The following ITPR3 variants were observed in gnomAD, a reference collection of about 807,000 sequenced individuals.
ITPR3 encodes the protein inositol 1,4,5-trisphosphate receptor type 3.
In ITPR3, 173 loss-of-function variants were observed where a neutral mutation model predicts 293.2. That is an observed-to-expected ratio of 0.59 (90% CI 0.52 to 0.67). The LOEUF (loss-of-function observed/expected upper bound fraction) is 0.67. ITPR3 is among the 30% of genes least tolerant of loss of function. The probability of loss-of-function intolerance (pLI) is 0.00; values close to 1 mark genes in which losing one functional copy is unlikely to be tolerated. For synonymous variants in ITPR3, 1,295 were observed against 1,444.4 expected, an observed-to-expected ratio of 0.90 and a Z score of 2.35; for missense variants, 2,796 against 3,592.1, an observed-to-expected ratio of 0.78 and a Z score of 5.66.
In ITPR3 at chr6:33,672,608, C is replaced by T. The variant is rs1171680584; in HGVS notation, c.2928+380C>T. On this transcript the variant is annotated intron_variant, in intron 22 of 57. Transcript: ENST00000605930. The surrounding 1 kb of genome is among the most constrained non-coding windows in gnomAD (Gnocchi z 5.0). ...AAAAACAGAAATGCACATTCTCCGG[C>T]CCCACCCTAGACCTACTGAGTCAGG... Among the ~76,000 whole-genome samples, 2 of 152,240 alleles carry T rather than the reference C, an allele frequency of 1.3e-5. No individual in the cohort carries two copies. Among genetic ancestry groups the T allele is most frequent in the Middle Eastern group, 3.4e-3 (1 of 294 alleles).
Position 33,655,966 on chromosome 6 carries a change from G to C in ITPR3, c.282+79G>C. 1 of 1,574,842 alleles carries C rather than the reference G, an allele frequency of 6.3e-7. No homozygotes were observed. The highest frequency in any genetic ancestry group is 8.7e-7 in the Non-Finnish European group (1 of 1,152,066). ...ACACAAGCAGCGGTGCTGCTTGTCG[G>C]AGCCAGTAGGGGCTCTGTGGCTGAG... On this transcript the variant is annotated intron_variant, in intron 3 of 57. Transcript: ENST00000605930. This position sits in a 1 kb window ranked among gnomAD's most constrained non-coding sequence, Gnocchi z 4.9.
chr6:33,642,252 G>A (rs1011654229), intron 2 of ITPR3, among the ~76,000 whole-genome samples: 2 of 152,118 alleles, frequency 1.3e-5, no homozygotes, highest in South Asian at 4.2e-4. Context: ...GTCTGACCTC[G>A]CCTGTCCCAG....
chr6:33,658,006 C>T lies in ITPR3; in HGVS notation c.357C>T (p.Gly119=), dbSNP rs1764356159. The part of the protein sequence containing the change: ...KKVHGDVVKY[G]SVIQLLHMKS... Reference sequence around the variant, plus strand: ...TGCATGGGGATGTCGTGAAGTATGGCAGTGTGATCCAGGTGAGGCTGGCCT... The same window carrying T: ...TGCATGGGGATGTCGTGAAGTATGGTAGTGTGATCCAGGTGAGGCTGGCCT... Residue 119 remains glycine, a synonymous_variant, in exon 4 of 58, where the codon GGC becomes GGT. Transcript: ENST00000605930. This position sits in a 1 kb window ranked among gnomAD's most constrained non-coding sequence, Gnocchi z 6.1. 1 of 1,613,078 alleles carries T rather than the reference C, an allele frequency of 6.2e-7. No homozygotes were observed.
chr6:33,647,970 G>A (rs1764105844), intron 2 of ITPR3, among the ~76,000 whole-genome samples: 2 of 152,046 alleles, frequency 1.3e-5, no homozygotes, highest in South Asian at 2.1e-4. Context: ...CACCAGCAAT[G>A]TAATAAGAGA....
At chr6:33,685,169 G>A (rs1286708790) in intron 39 of ITPR3, among the ~76,000 whole-genome samples, 190 bp from the exon 40 acceptor site, 3 of 152,186 alleles carry the variant, frequency 2.0e-5, no homozygotes, top group Admixed American at 6.5e-5. Flanking sequence ...AAAGGACCAC[G>A]TGACACAGGA....
chr6:33,622,768 G>A (rs1163936004), intron 1 of ITPR3, among the ~76,000 whole-genome samples: 1 of 152,168 alleles, frequency 6.6e-6, no homozygotes, highest in Non-Finnish European at 1.5e-5. Flanking sequence ...CTCACCCCAA[G>A]CCTGGGAGGT....
At chr6:33,659,685 A>G in intron 7 of ITPR3, 136 bp downstream of exon 7, 1 of 681,734 alleles carries the variant, frequency 1.5e-6, no homozygotes, top group Admixed American at 2.4e-5. Context: ...GCCTCCCTCC[A>G]CCTCCACAGG....
chr6:33,670,344 G>T lies in ITPR3; in HGVS notation c.2209G>T (p.Ala737Ser). The T allele has an allele frequency of 6.2e-7, 1 of 1,614,028 alleles. No individual in the cohort carries two copies. Reference protein sequence around the residue: ...SYYRYQLKLFARMCLDRQYLA... With the variant: ...SYYRYQLKLFSRMCLDRQYLA... ...CTGCAGGTACCAGCTGAAGCTCTTT[G>T]CCCGCATGTGCTTGGACCGCCAGTA... The change falls in exon 19 of 58, where the codon GCC (alanine) becomes TCC (serine). Residue 737 changes from alanine (A) to serine (S), a missense_variant. This residue lies in a region of ITPR3 where 955 missense variants were observed against 1,180.8 expected (regional missense o/e 0.81). Transcript: ENST00000605930. This position sits in a 1 kb window ranked among gnomAD's most constrained non-coding sequence, Gnocchi z 6.7.
At position 33,671,186 on chromosome 6, in the gene ITPR3, C is replaced by CTCA. The variant is rs1764754279; in HGVS notation, c.2611_2613dup (p.Ile871dup). ...GCAGGTGGTCAGCCTGGCGCACAAT[C>CTCA]TCATCTACTTCGGCTTCTACAGCTT... On this transcript the variant is annotated inframe_insertion, in exon 21 of 58. Transcript: ENST00000605930. The CTCA allele has an allele frequency of 1.9e-6, 3 of 1,613,632 alleles. No individual in the cohort carries two copies. The highest frequency in any genetic ancestry group is 1.3e-5 in the African/African-American group (1 of 74,884).
intron 1 of ITPR3, among the ~76,000 whole-genome samples, chr6:33,635,976 A>G (rs1020123289): frequency 1.3e-5 from 2 of 151,798 alleles, no homozygotes; most frequent in African/African-American, 4.8e-5. Flanking sequence ...TGCTGGCCTG[A>G]TTTGACTTAC....
Position 33,679,876 on chromosome 6 carries a change from C to G in ITPR3, c.3973-6C>G, listed in dbSNP as rs772781280. ...GAGTGTGACACGTGCCCCCTCCCAC[C>G]CGCAGCTGACCAATGCAGGTGACGA... On this transcript the variant is annotated splice_polypyrimidine_tract_variant and splice_region_variant and intron_variant, in intron 30 of 57. Coordinates refer to ENST00000605930, the MANE Select transcript of ITPR3 (RefSeq NM_002224.4). This position sits in a 1 kb window ranked among gnomAD's most constrained non-coding sequence, Gnocchi z 4.2. The G allele has an allele frequency of 6.2e-7, 1 of 1,608,768 alleles. No individual in the cohort carries two copies. The highest frequency in any genetic ancestry group is 1.1e-5 in the South Asian group (1 of 90,876).
Position 33,685,688 on chromosome 6 carries a change from C to T in ITPR3, c.5528C>T (p.Ser1843Leu), listed in dbSNP as rs748504932. Reference protein sequence around the residue: ...FSIPGSSSRYSLGPSLRRGHE... With the variant: ...FSIPGSSSRYLLGPSLRRGHE... ...ATACCTGGCTCCTCATCCCGCTACT[C>T]GCTGGGCCCCAGCCTGCGCCGGGGG... Residue 1843 changes from serine to leucine, a missense_variant, in exon 41 of 58, where the codon TCG becomes TTG. This residue lies in a region of ITPR3 where 704 missense variants were observed against 797.5 expected (regional missense o/e 0.88). Transcript: ENST00000605930. The T allele has an allele frequency of 1.2e-6, 2 of 1,601,634 alleles. No homozygotes were observed. The highest frequency in any genetic ancestry group is 1.7e-6 in the Non-Finnish European group (2 of 1,172,260).
intron 56 of ITPR3, among the ~76,000 whole-genome samples, chr6:33,694,127 T>G (rs1765471663): frequency 6.6e-6 from 1 of 152,044 alleles, no homozygotes; most frequent in Admixed American, 6.5e-5. Flanking sequence ...CAGGGAGTGT[T>G]TTCTAGCTCG....
At chr6:33,677,695 A>G in intron 28 of ITPR3, 66 bp downstream of exon 28, 1 of 1,574,526 alleles carries the variant, frequency 6.4e-7, no homozygotes, top group Admixed American at 1.8e-5. Context: ...CCTGACCTGT[A>G]TGCTAGGCCC....
At chr6:33,645,049 C>T (rs1344428380) in intron 2 of ITPR3, among the ~76,000 whole-genome samples, 1 of 151,380 alleles carries the variant, frequency 6.6e-6, no homozygotes, top group African/African-American at 2.4e-5. Flanking sequence ...ATACTGGTTC[C>T]TGGCCAGGCA....
At chr6:33,681,714 A>G (rs987763609) in intron 33 of ITPR3, among the ~76,000 whole-genome samples, 9 of 152,146 alleles carry the variant, frequency 5.9e-5, no homozygotes, top group African/African-American at 9.7e-5. Flanking sequence ...TCTGGGGGGA[A>G]AAATGCTGAG....
At chr6:33,648,114 G>A (rs1764110177) in intron 2 of ITPR3, among the ~76,000 whole-genome samples, 1 of 145,126 alleles carries the variant, frequency 6.9e-6, no homozygotes, top group Non-Finnish European at 1.5e-5. Flanking sequence ...CATCCAGGCT[G>A]GAGTGCAGTG....
intron 28 of ITPR3, 97 bp downstream of exon 28, chr6:33,677,726 A>G: frequency 6.8e-7 from 1 of 1,459,868 alleles, no homozygotes; most frequent in Middle Eastern, 1.8e-4. Context: ...AACCTCTCCC[A>G]GCCTCGCCTG....
At chr6:33,631,910 A>T (rs1435153965) in intron 1 of ITPR3, among the ~76,000 whole-genome samples, 3 of 152,234 alleles carry the variant, frequency 2.0e-5, no homozygotes, top group African/African-American at 4.8e-5. Context: ...CCCACCGGTT[A>T]TTCCTAGGTT....
Sources: gnomAD v4.1 joint callset for allele counts (sites outside exome capture counted in the v4.1 genomes callset) on GRCh38, gnomAD v4.1.1 for gene constraint, gnomAD v4.1.1 regional missense constraint, Gnocchi (gnomAD v3.1) non-coding constraint, MANE v1.5 for transcripts, NCBI Gene and HGNC (gene_info 2026-07-23, HGNC 2026-07-21) for gene names.